Variants in MUC13 observed in about 807,000 individuals in gnomAD.
MUC13 encodes mucin 13, cell surface associated.
A neutral mutation model predicts 48.3 loss-of-function variants in MUC13; 32 were observed. The ratio of observed to expected loss-of-function variants is 0.66; its 90% confidence interval spans 0.50 to 0.89. The LOEUF is 0.89. Ranked by LOEUF, MUC13 falls within the 40% of genes least tolerant of loss-of-function variation. The probability of loss-of-function intolerance (pLI) is 0.00; values close to 1 mark genes in which losing one functional copy is unlikely to be tolerated. For synonymous variants in MUC13, 199 were observed against 224.9 expected (o/e 0.88, Z 1.03); for missense variants, 571 against 622.8 (o/e 0.92, Z 0.88).
At chr3:124,932,709 T>G (rs1935818655) in intron 1 of MUC13, among the ~76,000 whole-genome samples, 1 of 152,032 alleles carries the variant, frequency 6.6e-6, no homozygotes, top group Non-Finnish European at 1.5e-5. Flanking sequence ...TCTCAGTCAC[T>G]CTTCAGTATA....
rs763017348 is a variant in MUC13 at position 124,908,231 on chromosome 3, A to T, written c.1455T>A (p.Pro485=). The change falls in exon 11 of 12, where the codon CCT becomes CCA. Residue 485 remains proline (P), a synonymous_variant. Coordinates refer to ENST00000616727, the MANE Select transcript of MUC13 (RefSeq NM_033049.4). ...CTCTGGAGGCCGTTATCCTGACCTT[A>T]GGAAAGACGCTCCCTTCTGCTCCAA... is the stretch of plus-strand genomic sequence containing the variant. ...TNLGAEGSVF[P]KVRITASRDS... The T allele has an allele frequency of 6.2e-7, 1 of 1,614,178 alleles. No homozygotes were observed. Among genetic ancestry groups the T allele is most frequent in the South Asian group, 1.1e-5 (1 of 91,072 alleles).
intron 10 of MUC13, among the ~76,000 whole-genome samples, chr3:124,908,850 C>G (rs1935368752): frequency 6.6e-6 from 1 of 152,144 alleles, no homozygotes; most frequent in Non-Finnish European, 1.5e-5. Flanking sequence ...ATGAGTAAAA[C>G]AAGTTCAAAG....
At position 124,925,033 on chromosome 3, in the gene MUC13, G is replaced by A. The variant is rs182888812; in HGVS notation, c.515-1384C>T. On this transcript the variant is annotated intron_variant, in intron 2 of 11. Coordinates refer to ENST00000616727, the MANE Select transcript of MUC13 (RefSeq NM_033049.4). The stretch of plus-strand genomic sequence containing the variant: ...TCCACACAAAAGCCTGCACATCCAT[G>A]TTAATATCAGCTTTGTTCATGAGTG... 9.2e-5 allele frequency among the ~76,000 whole-genome samples: 14 copies of A among 152,262 alleles called. No individual in the cohort carries two copies. The East Asian group carries it at 2.7e-3, about 29-fold the overall frequency.
At position 124,913,156 on chromosome 3, in the gene MUC13, G is replaced by T; in HGVS notation, c.1169C>A (p.Ala390Glu). Residue 390 changes from alanine to glutamate, a missense_variant, in exon 8 of 12, where the codon GCG becomes GAG. Transcript: ENST00000616727. The part of the protein sequence containing the change: ...IKKSGGAPEC[A>E]CVPGYQEDAN... ...ATCTTCCTGGTAGCCGGGCACGCACGCACACTCAGGGGCCCCACCACTCTT... is the reference window on the plus strand; with the variant it reads ...ATCTTCCTGGTAGCCGGGCACGCACTCACACTCAGGGGCCCCACCACTCTT... 6.2e-7 allele frequency: 1 copy of T among 1,613,980 alleles called. No homozygotes were observed. Among genetic ancestry groups the T allele is most frequent in the South Asian group, 1.1e-5 (1 of 91,050 alleles).
At chr3:124,911,192 A>C (rs1312731418) in intron 9 of MUC13, among the ~76,000 whole-genome samples, 1 of 152,208 alleles carries the variant, frequency 6.6e-6, no homozygotes, top group African/African-American at 2.4e-5. Flanking sequence ...TACTTCTAAC[A>C]ATTTACTTGA....
chr3:124,923,735 C>A (rs1409065420), intron 2 of MUC13, 86 bp from the exon 3 acceptor site: 1 of 1,362,580 alleles, frequency 7.3e-7, no homozygotes, highest in South Asian at 1.3e-5. Flanking sequence ...TTCATGCCTC[C>A]CCCCTGGGCC....
Position 124,927,979 on chromosome 3 carries a change from T to C in MUC13, c.67A>G (p.Asn23Asp). The C allele has an allele frequency of 6.5e-7, 1 of 1,549,974 alleles. No individual in the cohort carries two copies. The highest frequency in any genetic ancestry group is 1.9e-5 in the Admixed American group (1 of 51,778). The change falls in exon 2 of 12, where the codon AAC (asparagine) becomes GAC (aspartate). Residue 23 changes from asparagine to aspartate, a missense_variant. Coordinates refer to ENST00000616727, the MANE Select transcript of MUC13 (RefSeq NM_033049.4). ...LSVNTATNQG[N>D]SADAVTTTET... ...GTGGTTGTTACAGCATCAGCTGAGT[T>C]GCCTTGGTTGGTGGCTGGAGGAACA...
chr3:124,932,014 C>T (rs1373615696), intron 1 of MUC13, among the ~76,000 whole-genome samples: 3 of 152,080 alleles, frequency 2.0e-5, no homozygotes, highest in Non-Finnish European at 4.4e-5. Flanking sequence ...CATTGCACTC[C>T]AGCCTGGGCA....
At chr3:124,916,707 T>C (rs949209383) in intron 5 of MUC13, among the ~76,000 whole-genome samples, 1 of 152,166 alleles carries the variant, frequency 6.6e-6, no homozygotes, top group African/African-American at 2.4e-5. Context: ...GAAAACAATG[T>C]TCTGTTGGAG....
chr3:124,907,803 C>G (rs1364266340), intron 11 of MUC13, among the ~76,000 whole-genome samples: 2 of 152,124 alleles, frequency 1.3e-5, no homozygotes, highest in Non-Finnish European at 2.9e-5. Flanking sequence ...GGACCTAGGT[C>G]TTCAAACAGC....
chr3:124,914,939 CA>C (rs943575463), intron 6 of MUC13, among the ~76,000 whole-genome samples: 1 of 151,700 alleles, frequency 6.6e-6, no homozygotes, highest in Non-Finnish European at 1.5e-5. Context: ...AATGAACAAA[CA>C]AAAAAGCAAA....
chr3:124,926,961 G>C (rs1474389033), intron 2 of MUC13, among the ~76,000 whole-genome samples: 1 of 152,218 alleles, frequency 6.6e-6, no homozygotes, highest in Non-Finnish European at 1.5e-5. Context: ...TCATCTCTTA[G>C]TGTTCCCAAA....
chr3:124,924,974 C>T (rs1027464300), intron 2 of MUC13, among the ~76,000 whole-genome samples: 2 of 152,118 alleles, frequency 1.3e-5, no homozygotes, highest in African/African-American at 4.8e-5. Context: ...AGTCACCCTC[C>T]TTGGTATTTA....
chr3:124,906,933 T>G (rs767197845), intron 11 of MUC13, among the ~76,000 whole-genome samples, 191 bp from the exon 12 acceptor site: 2 of 152,202 alleles, frequency 1.3e-5, no homozygotes, highest in Non-Finnish European at 2.9e-5. Context: ...CCCAGCTCCC[T>G]TTCTCCTCTT....
At chr3:124,913,369 C>A (rs1259314328) in intron 7 of MUC13, 129 bp from the exon 8 acceptor site, 5 of 1,451,858 alleles carry the variant, frequency 3.4e-6, no homozygotes, top group Non-Finnish European at 4.7e-6. Flanking sequence ...ATTGACTCCA[C>A]ACATGATGTG....
chr3:124,912,183 C>A (rs553748745), intron 8 of MUC13, 42 bp from the exon 9 acceptor site: 2 of 1,605,394 alleles, frequency 1.2e-6, no homozygotes, highest in South Asian at 2.2e-5. Flanking sequence ...TAAAGAGCCC[C>A]TGTGGGGAGC....
At chr3:124,915,003 G>A (rs1183660312) in intron 6 of MUC13, among the ~76,000 whole-genome samples, 2 of 152,160 alleles carry the variant, frequency 1.3e-5, no homozygotes, top group African/African-American at 4.8e-5. Flanking sequence ...AAGGATGAGG[G>A]AGGCACGAAG....
Position 124,919,005 on chromosome 3 carries a change from A to ACT in MUC13, c.800+1227_800+1228dup, listed in dbSNP as rs113334699. 1.1e-3 allele frequency among the ~76,000 whole-genome samples: 167 copies of ACT among 149,444 alleles called. 1 individual carries two copies. The highest frequency in any genetic ancestry group is 3.7e-3 in the African/African-American group (150 of 40,904). On this transcript the variant is annotated intron_variant, in intron 5 of 11. Transcript: ENST00000616727. Reference sequence around the variant, plus strand: ...TACCTCTCTGAAATTTTATACACATACTCTCTCTCTCTCTCTTATTCCACC... The same window carrying ACT: ...TACCTCTCTGAAATTTTATACACATACTCTCTCTCTCTCTCTCTTATTCCACC...
At chr3:124,913,504 T>C (rs1264033513) in intron 7 of MUC13, 58 bp downstream of exon 7, 5 of 1,610,580 alleles carry the variant, frequency 3.1e-6, no homozygotes, top group Non-Finnish European at 4.2e-6. Flanking sequence ...TTTTTTATGT[T>C]GCAAAAGAAG....
Sources: gnomAD v4.1 joint callset for allele counts (sites outside exome capture counted in the v4.1 genomes callset) on GRCh38, gnomAD v4.1.1 for gene constraint, MANE v1.5 for transcripts, NCBI Gene and HGNC (gene_info 2026-07-23, HGNC 2026-07-21) for gene names.